ZNF609: variants seen among roughly 807,000 people sequenced by gnomAD.
The protein encoded by ZNF609 is zinc finger protein 609.
In ZNF609, 11 loss-of-function variants were observed where a neutral mutation model predicts 109.5. The ratio of observed to expected loss-of-function variants is 0.10; its 90% CI spans 0.06 to 0.17. ZNF609 has a LOEUF of 0.17. Ranked by LOEUF, ZNF609 falls within the 10% of genes least tolerant of loss-of-function variation. The pLI, the probability that ZNF609 is intolerant of heterozygous loss-of-function variation, is 1.00. For missense variants in ZNF609, 1,559 were observed against 1,772.4 expected (o/e 0.88, Z 2.16); for synonymous variants, 646 against 662.0 (o/e 0.98, Z 0.37).
chr15:64,592,315 G>A (rs1387835714), intron 2 of ZNF609, among the ~76,000 whole-genome samples: 4 of 152,154 alleles, frequency 2.6e-5, no homozygotes, highest in Non-Finnish European at 5.9e-5. Flanking sequence ...GGTGGCTCAC[G>A]CCTATAATCC....
intron 3 of ZNF609, among the ~76,000 whole-genome samples, chr15:64,649,643 C>T (rs1896385851): frequency 6.6e-6 from 1 of 152,062 alleles, no homozygotes; most frequent in African/African-American, 2.4e-5. Flanking sequence ...TGAGTACCTG[C>T]TAAGTATTTA....
chr15:64,472,966 C>G (rs1893111659), intron 1 of ZNF609, among the ~76,000 whole-genome samples: 2 of 151,974 alleles, frequency 1.3e-5, no homozygotes, highest in Admixed American at 6.6e-5. Context: ...GAGCAGAGTT[C>G]TAAAGAATGG....
chr15:64,504,114 G>A (rs912549349), intron 2 of ZNF609, among the ~76,000 whole-genome samples: 3 of 152,132 alleles, frequency 2.0e-5, no homozygotes, highest in African/African-American at 7.2e-5. Flanking sequence ...GAAACCAAAT[G>A]CCCTCAAGAT....
At chr15:64,647,250 A>G (rs755329419) in intron 3 of ZNF609, among the ~76,000 whole-genome samples, 2 of 152,120 alleles carry the variant, frequency 1.3e-5, no homozygotes, top group South Asian at 4.1e-4. Flanking sequence ...CCACTTAGGT[A>G]TCTAGAATGG....
chr15:64,517,326 G>A (rs934347394), intron 2 of ZNF609, among the ~76,000 whole-genome samples: 5 of 152,154 alleles, frequency 3.3e-5, no homozygotes, highest in African/African-American at 9.7e-5. Context: ...GCAGTGAGCC[G>A]AGATCATGCC....
intron 2 of ZNF609, among the ~76,000 whole-genome samples, chr15:64,530,075 T>C (rs1894036829): frequency 6.6e-6 from 1 of 151,932 alleles, no homozygotes. Context: ...AGTGCAGTGG[T>C]GTGATCTCGG....
intron 2 of ZNF609, among the ~76,000 whole-genome samples, chr15:64,568,967 C>G (rs1894820830): frequency 6.6e-6 from 1 of 152,196 alleles, no homozygotes; most frequent in Admixed American, 6.5e-5. Flanking sequence ...ATCTTAACCA[C>G]TCTTACTACC....
chr15:64,655,162 G>A (rs987856692), intron 3 of ZNF609, among the ~76,000 whole-genome samples: 17 of 148,168 alleles, frequency 1.1e-4, no homozygotes, highest in African/African-American at 2.8e-4. Context: ...AAAAATTATA[G>A]CACCAAGTTG....
chr15:64,618,400 C>T (rs1321352267), intron 2 of ZNF609, among the ~76,000 whole-genome samples: 2 of 152,046 alleles, frequency 1.3e-5, no homozygotes, highest in Non-Finnish European at 2.9e-5. Flanking sequence ...CATCTGAAGC[C>T]CCAGTGGGTG....
chr15:64,616,095 G>T (rs1895794169), intron 2 of ZNF609, among the ~76,000 whole-genome samples: 1 of 151,878 alleles, frequency 6.6e-6, no homozygotes, highest in African/African-American at 2.4e-5. Context: ...CATAGCTGCT[G>T]CCTCATCCTC....
intron 1 of ZNF609, among the ~76,000 whole-genome samples, chr15:64,473,295 T>C (rs1893119298): frequency 6.8e-6 from 1 of 146,398 alleles, no homozygotes; most frequent in Non-Finnish European, 1.5e-5. Flanking sequence ...GCCTCCTGGG[T>C]TCAAGCGATT....
At chr15:64,549,942 C>T (rs1462020026) in intron 2 of ZNF609, among the ~76,000 whole-genome samples, 3 of 152,058 alleles carry the variant, frequency 2.0e-5, no homozygotes, top group Middle Eastern at 3.4e-3. Flanking sequence ...TCTGTCACCA[C>T]GCCAAACTAA....
chr15:64,528,650 C>CTGG lies in ZNF609; in HGVS notation c.747+28489_747+28491dup, dbSNP rs374693734. The CTGG allele has an allele frequency of 1.7e-5, 17 of 1,028,932 alleles. 1 individual carries two copies. Among genetic ancestry groups the CTGG allele is most frequent in the African/African-American group, 9.4e-5 (6 of 63,612 alleles). 63.7% of individuals were successfully genotyped at this position (1,028,932 alleles called of 1,614,324 possible). A position where few individuals can be genotyped will look rare whatever the true frequency, so the allele number is the denominator to read the frequency against. On this transcript the variant is annotated intron_variant, in intron 2 of 9. Coordinates refer to ENST00000326648, the MANE Select transcript of ZNF609 (RefSeq NM_015042.2). ...GTCTTCCTCTCATGCTGTCGCTGGG[C>CTGG]TGGTGGTCCAGGGGTCTTACTCCTT...
chr15:64,463,599 G>A (rs1787632780), intron 1 of ZNF609, among the ~76,000 whole-genome samples: 1 of 152,152 alleles, frequency 6.6e-6, no homozygotes, highest in Non-Finnish European at 1.5e-5. Flanking sequence ...TTTGGTAAAG[G>A]TCTTTCTGAG....
At chr15:64,518,867 T>A (rs959982988) in intron 2 of ZNF609, among the ~76,000 whole-genome samples, 6 of 152,032 alleles carry the variant, frequency 3.9e-5, no homozygotes, top group African/African-American at 1.4e-4. Flanking sequence ...GGGGCAAGTT[T>A]GCAGGGAATG....
At chr15:64,549,202 T>G (rs1242165026) in intron 2 of ZNF609, among the ~76,000 whole-genome samples, 1 of 152,180 alleles carries the variant, frequency 6.6e-6, no homozygotes, top group Non-Finnish European at 1.5e-5. Context: ...TTGGTTTGGT[T>G]TTTTTGAGAC....
At chr15:64,598,762 A>G (rs1238224264) in intron 2 of ZNF609, among the ~76,000 whole-genome samples, 30 of 125,658 alleles carry the variant, frequency 2.4e-4, no homozygotes, top group East Asian at 6.4e-4. Flanking sequence ...ATATATATAT[A>G]TATATATATA....
chr15:64,674,278 T>G lies in ZNF609; in HGVS notation c.1424T>G (p.Leu475Arg). 6.2e-7 allele frequency: 1 copy of G among 1,614,130 alleles called. No homozygotes were observed. Among genetic ancestry groups the G allele is most frequent in the South Asian group, 1.1e-5 (1 of 91,078 alleles). ...TNSMGSATGP[L>R]PGTKVEPTVL... ...TCCATGGGCTCAGCCACTGGCCCCCTTCCTGGGACAAAGGTAGAACCCACT... is the reference window on the plus strand; with the variant it reads ...TCCATGGGCTCAGCCACTGGCCCCCGTCCTGGGACAAAGGTAGAACCCACT... The change falls in exon 5 of 10, where the codon CTT becomes CGT. Residue 475 changes from leucine to arginine, a missense_variant. By Grantham distance (102) the Leu-to-Arg change is moderately radical. Coordinates refer to ENST00000326648, the MANE Select transcript of ZNF609 (RefSeq NM_015042.2).
chr15:64,645,544 G>T (rs928210843), intron 3 of ZNF609, among the ~76,000 whole-genome samples: 4 of 151,864 alleles, frequency 2.6e-5, no homozygotes, highest in African/African-American at 9.7e-5. Flanking sequence ...AGATAAATTG[G>T]ATTTCATCAA....
Sources: allele counts gnomAD v4.1 joint callset (sites outside exome capture counted in the v4.1 genomes callset), GRCh38; gene constraint gnomAD v4.1.1; transcripts MANE v1.5; gene names NCBI Gene and HGNC (gene_info 2026-07-23, HGNC 2026-07-21).